The following ARAP2 variants were observed in gnomAD, a reference collection of about 807,000 sequenced individuals.
ARAP2 encodes ArfGAP with RhoGAP domain, ankyrin repeat and PH domain 2.
Under a neutral mutation model 194.5 loss-of-function variants are expected in ARAP2, and 148 were observed. The ratio of observed to expected loss-of-function variants is 0.76; its 90% CI spans 0.67 to 0.87. The LOEUF (loss-of-function observed/expected upper bound fraction) is 0.87, where lower values mean the gene tolerates loss of function less well. ARAP2 is among the 40% of genes least tolerant of loss of function. The pLI, the probability that ARAP2 is intolerant of heterozygous loss-of-function variation, is 0.00. For missense variants in ARAP2, 2,128 were observed against 1,989.7 expected (o/e 1.07, Z -1.32); for synonymous variants, 695 against 683.5 (o/e 1.02, Z -0.26).
intron 5 of ARAP2, among the ~76,000 whole-genome samples, chr4:36,045,164 A>G (rs190607997): frequency 3.3e-5 from 5 of 152,282 alleles, no homozygotes; most frequent in South Asian, 2.1e-4. Context: ...CAAAACTATC[A>G]TGGTATCCAG....
chr4:36,021,716 C>T (rs1716977279), intron 5 of ARAP2, among the ~76,000 whole-genome samples: 1 of 151,968 alleles, frequency 6.6e-6, no homozygotes, highest in African/African-American at 2.4e-5. Flanking sequence ...CAAGAACAGC[C>T]TAATATAGGA....
chr4:36,069,572 ATTAC>A (rs895956731), intron 32 of ARAP2, among the ~76,000 whole-genome samples: 2 of 152,148 alleles, frequency 1.3e-5, no homozygotes, highest in African/African-American at 4.8e-5. Flanking sequence ...CTCGGCATCT[ATTAC>A]TTGGGAAAAA....
At chr4:36,099,691 C>A (rs1372111265) in intron 27 of ARAP2, among the ~76,000 whole-genome samples, 3 of 152,104 alleles carry the variant, frequency 2.0e-5, no homozygotes, top group African/African-American at 7.2e-5. Flanking sequence ...ACTAAGAGCA[C>A]ATTCTGGCGC....
chr4:36,221,457 C>G (rs1749152222), intron 2 of ARAP2, among the ~76,000 whole-genome samples: 1 of 152,016 alleles, frequency 6.6e-6, no homozygotes, highest in East Asian at 1.9e-4. Flanking sequence ...AGTAACTGAT[C>G]TGAGATCAAA....
At chr4:36,181,689 C>G (rs1469125283) in intron 8 of ARAP2, among the ~76,000 whole-genome samples, 1 of 152,186 alleles carries the variant, frequency 6.6e-6, no homozygotes, top group African/African-American at 2.4e-5. Flanking sequence ...ATCACTCACA[C>G]AAATATTTAC....
chr4:36,147,171 T>C (rs1474263178), intron 19 of ARAP2, 125 bp downstream of exon 19: 2 of 749,012 alleles, frequency 2.7e-6, no homozygotes, highest in African/African-American at 3.6e-5. Context: ...TATGTATATT[T>C]ATATGATTCA....
chr4:36,216,601 T>C (rs996679653), intron 2 of ARAP2, among the ~76,000 whole-genome samples: 1 of 152,102 alleles, frequency 6.6e-6, no homozygotes, highest in Admixed American at 6.5e-5. Flanking sequence ...CAGAAAGACC[T>C]GTATACAAAT....
At chr4:36,039,231 A>G (rs563374353) in intron 5 of ARAP2, among the ~76,000 whole-genome samples, 2 of 152,340 alleles carry the variant, frequency 1.3e-5, no homozygotes, top group South Asian at 4.1e-4. Flanking sequence ...CACATGCAGA[A>G]AAATGACTAC....
At chr4:36,020,201 A>C (rs1289891853) in intron 5 of ARAP2, among the ~76,000 whole-genome samples, 2 of 152,198 alleles carry the variant, frequency 1.3e-5, no homozygotes, top group African/African-American at 4.8e-5. Flanking sequence ...AGCTGCTGTC[A>C]GGAGTTCAAA....
At chr4:36,065,901 A>G (rs1725335309), downstream of ARAP2, 1 of 152,236 alleles carries the variant, frequency 6.6e-6, no homozygotes, top group Non-Finnish European at 1.5e-5. Flanking sequence ...TTTGAAGTAT[A>G]TATTAAATTC....
rs542806676 is a variant in ARAP2, at chr4:36,100,453, G to A, written c.4285+7112C>T. Among the ~76,000 whole-genome samples the A allele has an allele frequency of 1.3e-4, 20 of 151,730 alleles. No homozygotes were observed. In the East Asian group the frequency reaches 4.1e-3, roughly 31 times the overall value. ...GTCCCATGTACTCTAAGTGATGAAG[G>A]GCACAAATGGGCAGTTTCCATGAGA... On this transcript the variant is annotated intron_variant, in intron 27 of 32. Coordinates refer to ENST00000303965, the MANE Select transcript of ARAP2 (RefSeq NM_015230.4).
rs531868026 is a variant in ARAP2 at position 36,114,844 on chromosome 4, G to C, written c.4039-557C>G. ...TGTCAGAGTCTGCAATGCCAACCTG[G>C]GGGTCGGTTCTACGAAAGTCCCAAA... On this transcript the variant is annotated intron_variant, in intron 25 of 32. Transcript: ENST00000303965. 9.2e-5 allele frequency among the ~76,000 whole-genome samples: 14 copies of C among 152,076 alleles called. No homozygotes were observed. The South Asian group carries it at 2.9e-3, about 32-fold the overall frequency.
In ARAP2 at chr4:36,164,896, T is replaced by C. The variant is rs1259561700; in HGVS notation, c.2173+18A>G. ...ATCTGCCACAAAGCTGTGATGAGCATAACTTGTCACTAATTACCTGCACAC... is the reference window on the plus strand; with the variant it reads ...ATCTGCCACAAAGCTGTGATGAGCACAACTTGTCACTAATTACCTGCACAC... On this transcript the variant is annotated intron_variant, in intron 11 of 32. Coordinates refer to ENST00000303965, the MANE Select transcript of ARAP2 (RefSeq NM_015230.4). The C allele has an allele frequency of 1.9e-6, 3 of 1,611,986 alleles. No individual in the cohort carries two copies. The highest frequency in any genetic ancestry group is 2.5e-6 in the Non-Finnish European group (3 of 1,178,296).
chr4:36,194,047 G>A (rs937616481), intron 6 of ARAP2, among the ~76,000 whole-genome samples: 2 of 151,848 alleles, frequency 1.3e-5, no homozygotes, highest in Admixed American at 6.6e-5. Context: ...TTTGTTTTAG[G>A]GCATAAATAT....
chr4:36,043,854 AG>A (rs1365965333), intron 5 of ARAP2, among the ~76,000 whole-genome samples: 1 of 16,030 alleles, frequency 6.2e-5, no homozygotes, highest in Admixed American at 8.5e-4. Flanking sequence ...GGGGGAGGGG[AG>A]GGGGGAGGGG....
chr4:36,169,714 A>AG (rs1221216381), intron 9 of ARAP2, among the ~76,000 whole-genome samples: 2 of 151,988 alleles, frequency 1.3e-5, no homozygotes, highest in Non-Finnish European at 2.9e-5. Flanking sequence ...TTTGTATTTT[A>AG]GTAGAGACGG....
chr4:36,129,906 C>T (rs186545657), intron 20 of ARAP2, among the ~76,000 whole-genome samples: 71 of 151,892 alleles, frequency 4.7e-4, no homozygotes, highest in Non-Finnish European at 1.2e-4. Flanking sequence ...ATTAATTCTC[C>T]TGCCCTGTTT....
intron 6 of ARAP2, among the ~76,000 whole-genome samples, chr4:36,200,631 A>G (rs1225995910): frequency 6.6e-6 from 1 of 152,204 alleles, no homozygotes; most frequent in East Asian, 1.9e-4. Flanking sequence ...TTTCAACTAA[A>G]TAATAAAAGG....
intron 6 of ARAP2, among the ~76,000 whole-genome samples, chr4:36,198,293 T>C (rs914572840): frequency 6.6e-6 from 1 of 152,130 alleles, no homozygotes; most frequent in Non-Finnish European, 1.5e-5. Flanking sequence ...GGGGCTTTTA[T>C]GGGCCTCAGG....
Sources: allele counts gnomAD v4.1 joint callset (sites outside exome capture counted in the v4.1 genomes callset), GRCh38; gene constraint gnomAD v4.1.1; transcripts MANE v1.5; gene names NCBI Gene and HGNC (gene_info 2026-07-23, HGNC 2026-07-21).